Variants in LRP1B observed in about 807,000 individuals in gnomAD.
The protein encoded by LRP1B is LDL receptor related protein 1B, also known as low-density lipoprotein receptor-related protein 1B.
Under a neutral mutation model 556.6 loss-of-function variants are expected in LRP1B, and 217 were observed. The ratio of observed to expected loss-of-function variants is 0.39; its 90% CI spans 0.35 to 0.44. The LOEUF is 0.44. Ranked by LOEUF, LRP1B falls within the 20% of genes least tolerant of loss-of-function variation. The probability of loss-of-function intolerance (pLI) is 1.00; values close to 1 mark genes in which losing one functional copy is unlikely to be tolerated. For missense variants in LRP1B, 5,053 were observed against 5,620.8 expected (o/e 0.90, Z 3.23); for synonymous variants, 2,047 against 1,865.8 (o/e 1.10, Z -2.50).
intron 1 of LRP1B, among the ~76,000 whole-genome samples, chr2:141,871,307 A>G (rs1178092552): frequency 6.6e-6 from 1 of 151,334 alleles, no homozygotes; most frequent in Admixed American, 6.6e-5. Flanking sequence ...CTTTTTAAAA[A>G]CTCTTCCTTT....
At chr2:141,385,975 G>A (rs956050098) in intron 3 of LRP1B, among the ~76,000 whole-genome samples, 10 of 152,108 alleles carry the variant, frequency 6.6e-5, no homozygotes, top group African/African-American at 2.4e-4. Context: ...TAAAATGATT[G>A]CTTATCAGTA....
At chr2:141,085,294 C>T (rs1006138292) in intron 7 of LRP1B, among the ~76,000 whole-genome samples, 2 of 152,162 alleles carry the variant, frequency 1.3e-5, no homozygotes, top group African/African-American at 2.4e-5. Flanking sequence ...ATAATGTAAC[C>T]TCTTATAGAC....
intron 2 of LRP1B, among the ~76,000 whole-genome samples, chr2:141,578,985 G>T (rs966829613): frequency 6.6e-6 from 1 of 152,062 alleles, no homozygotes; most frequent in African/African-American, 2.4e-5. Context: ...TCCTCTTTAC[G>T]GTGTATTCAT....
chr2:140,334,902 G>A (rs1423179794), intron 78 of LRP1B, among the ~76,000 whole-genome samples: 2 of 151,918 alleles, frequency 1.3e-5, no homozygotes, highest in Non-Finnish European at 2.9e-5. Flanking sequence ...TGTTTTAACA[G>A]AATAGTCATT....
chr2:140,774,140 G>T (rs1689411545), intron 33 of LRP1B, among the ~76,000 whole-genome samples: 1 of 152,092 alleles, frequency 6.6e-6, no homozygotes, highest in African/African-American at 2.4e-5. Flanking sequence ...TCATACTAAT[G>T]AAGCTTTTAC....
At chr2:141,655,058 G>T (rs966256199) in intron 2 of LRP1B, among the ~76,000 whole-genome samples, 3 of 152,106 alleles carry the variant, frequency 2.0e-5, no homozygotes, top group Non-Finnish European at 2.9e-5. Context: ...GTGTTTTGTG[G>T]AAATACTCTA....
At chr2:141,692,282 G>T (rs760618617) in intron 2 of LRP1B, among the ~76,000 whole-genome samples, 2 of 151,968 alleles carry the variant, frequency 1.3e-5, no homozygotes, top group African/African-American at 4.8e-5. Flanking sequence ...ACTGCATGAT[G>T]TTCTATGATC....
At chr2:141,191,634 C>T (rs1453952599) in intron 6 of LRP1B, among the ~76,000 whole-genome samples, 4 of 150,034 alleles carry the variant, frequency 2.7e-5, no homozygotes, top group Non-Finnish European at 4.4e-5. Flanking sequence ...ATTATACAGT[C>T]TTTATAAAAT....
At chr2:140,438,718 C>A (rs1686297567) in intron 66 of LRP1B, among the ~76,000 whole-genome samples, 1 of 152,176 alleles carries the variant, frequency 6.6e-6, no homozygotes, top group Admixed American at 6.5e-5. Flanking sequence ...ATTAGCCAAA[C>A]AGCAGGTTAT....
intron 67 of LRP1B, among the ~76,000 whole-genome samples, chr2:140,379,380 G>T (rs1254876073): frequency 6.6e-6 from 1 of 152,070 alleles, no homozygotes; most frequent in Non-Finnish European, 1.5e-5. Context: ...TATCATGAGG[G>T]TTCCTACATT....
chr2:141,127,184 A>G (rs552440315), intron 7 of LRP1B, among the ~76,000 whole-genome samples: 2 of 152,282 alleles, frequency 1.3e-5, no homozygotes, highest in South Asian at 2.1e-4. Flanking sequence ...TAAAACCACA[A>G]TGAGATACCA....
At chr2:140,247,378 T>C (rs979478346) in intron 86 of LRP1B, among the ~76,000 whole-genome samples, 1 of 151,674 alleles carries the variant, frequency 6.6e-6, no homozygotes, top group Non-Finnish European at 1.5e-5. Context: ...TTTTAAAATG[T>C]AGATTTATAG....
At chr2:142,047,782 C>T (rs1296233124) in intron 1 of LRP1B, among the ~76,000 whole-genome samples, 1 of 151,922 alleles carries the variant, frequency 6.6e-6, no homozygotes, top group Non-Finnish European at 1.5e-5. Context: ...TGCTTCTTCC[C>T]TGGTCTGCTT....
intron 13 of LRP1B, among the ~76,000 whole-genome samples, chr2:141,015,467 T>C (rs1697875007): frequency 6.6e-6 from 1 of 152,042 alleles, no homozygotes; most frequent in South Asian, 2.1e-4. Context: ...GAGCTGCTTT[T>C]AGAAATCCCA....
At chr2:140,275,200 T>C (rs146234604) in intron 84 of LRP1B, among the ~76,000 whole-genome samples, 24 of 152,114 alleles carry the variant, frequency 1.6e-4, no homozygotes, top group African/African-American at 5.3e-4. Context: ...TTAGGTATAA[T>C]TGAAGCCTGT....
chr2:140,487,339 G>T (rs2105366000), intron 58 of LRP1B, among the ~76,000 whole-genome samples: 1 of 151,918 alleles, frequency 6.6e-6, no homozygotes, highest in East Asian at 1.9e-4. Context: ...CTAGCTGAAA[G>T]CACCCATCCC....
At chr2:141,722,757 GA>G (rs1263200416) in intron 2 of LRP1B, among the ~76,000 whole-genome samples, 1 of 151,884 alleles carries the variant, frequency 6.6e-6, no homozygotes, top group African/African-American at 2.4e-5. Context: ...TAGATAGATA[GA>G]TAGATAGATA....
intron 5 of LRP1B, among the ~76,000 whole-genome samples, chr2:141,237,059 G>A (rs1683671354): frequency 6.6e-6 from 1 of 152,186 alleles, no homozygotes; most frequent in African/African-American, 2.4e-5. Flanking sequence ...TCAGAAACAA[G>A]GTGATAAGAA....
chr2:140,645,390 A>G (rs1219978226), intron 41 of LRP1B, among the ~76,000 whole-genome samples: 2 of 152,032 alleles, frequency 1.3e-5, no homozygotes, highest in African/African-American at 4.8e-5. Context: ...GATTGTTACC[A>G]TTAGACATGA....
Sources: gnomAD v4.1 joint callset for allele counts (sites outside exome capture counted in the v4.1 genomes callset) on GRCh38, gnomAD v4.1.1 for gene constraint, MANE v1.5 for transcripts, NCBI Gene and HGNC (gene_info 2026-07-23, HGNC 2026-07-21) for gene names.